The following PACS2 variants were observed in gnomAD, a reference collection of about 807,000 sequenced individuals.
The protein encoded by PACS2 is phosphofurin acidic cluster sorting protein 2.
In PACS2, 36 loss-of-function variants were observed where a neutral mutation model predicts 113.0. The observed-to-expected ratio is 0.32, with a 90% CI of 0.24 to 0.42. The LOEUF (loss-of-function observed/expected upper bound fraction) is 0.42. Ranked by LOEUF, PACS2 falls within the 10% of genes least tolerant of loss-of-function variation. PACS2 has a pLI of 1.00. For missense variants in PACS2, 1,015 were observed against 1,239.5 expected (o/e 0.82, Z 2.72); for synonymous variants, 589 against 536.1 (o/e 1.10, Z -1.36).
At position 105,352,431 on chromosome 14, in the gene PACS2, A is replaced by C; in HGVS notation, c.261A>C (p.Gln87His). 1 of 1,612,666 alleles carries C rather than the reference A, an allele frequency of 6.2e-7. No individual in the cohort carries two copies. Among genetic ancestry groups the C allele is most frequent in the Non-Finnish European group, 8.5e-7 (1 of 1,178,862 alleles). ...SHEIVLPPSG[Q>H]VETDLALTFS... ...AGATTGTGCTGCCCCCCAGTGGACA[A>C]GTGGAGACAGACCTGGCCCTGACCT... The change falls in exon 3 of 25, where the codon CAA becomes CAC. Residue 87 changes from glutamine (Q) to histidine (H), a missense_variant. By Grantham distance (24) the Gln-to-His change is conservative. Coordinates refer to ENST00000447393, the MANE Select transcript of PACS2 (RefSeq NM_001100913.3).
intron 1 of PACS2, among the ~76,000 whole-genome samples, chr14:105,325,786 G>A (rs1197007236): frequency 1.3e-5 from 2 of 152,250 alleles, no homozygotes; most frequent in African/African-American, 4.8e-5. Flanking sequence ...TGCTGTTCTT[G>A]TTCTGGTGAG....
chr14:105,343,116 C>A (rs1438382312), intron 1 of PACS2, among the ~76,000 whole-genome samples: 9 of 152,280 alleles, frequency 5.9e-5, no homozygotes, highest in African/African-American at 2.2e-4. Flanking sequence ...CCCAGCTCTG[C>A]CTTTTCCAGA....
At chr14:105,380,002 C>T (rs1469455547) in intron 10 of PACS2, 78 bp from the exon 11 acceptor site, 5 of 1,425,182 alleles carry the variant, frequency 3.5e-6, no homozygotes, top group East Asian at 2.5e-5. Context: ...TCCCTGAGTC[C>T]CAGCATTCCC....
In PACS2 at chr14:105,324,328, C is replaced by A. The variant is rs1165736281; in HGVS notation, c.119+9291C>A. ...AGTGGCGTTGCCGAGACAGGGTGCT[C>A]AGGTGCAGGTGGGAAGGGGTGGCAG... On this transcript the variant is annotated intron_variant, in intron 1 of 24. Transcript: ENST00000447393. This position sits in a 1 kb window ranked among gnomAD's most constrained non-coding sequence, Gnocchi z 4.7. Among the ~76,000 whole-genome samples, 4 of 152,056 alleles carry A rather than the reference C, an allele frequency of 2.6e-5. No homozygotes were observed. The highest frequency in any genetic ancestry group is 5.9e-5 in the Non-Finnish European group (4 of 68,002).
rs1488845742 is a variant in PACS2, at chr14:105,380,101, C to T, written c.1072C>T (p.Arg358Trp). 1.5e-5 allele frequency: 23 copies of T among 1,553,170 alleles called. 1 individual carries two copies. The highest frequency in any genetic ancestry group is 9.8e-5 in the Admixed American group (5 of 51,258). ...PSPADVPEKTRSLGGRQPSDS... is the reference protein window; with the variant it reads ...PSPADVPEKTWSLGGRQPSDS... ...ACAGGCTGACGTGCCCGAGAAGACGCGGTCCCTGGGAGGCAGGCAGCCGAG... is the reference window on the plus strand; with the variant it reads ...ACAGGCTGACGTGCCCGAGAAGACGTGGTCCCTGGGAGGCAGGCAGCCGAG... Residue 358 changes from arginine (R) to tryptophan (W), a missense_variant, in exon 11 of 25, where the codon CGG becomes TGG. Around this residue, in one of 3 missense-constraint regions of PACS2, gnomAD observed 859 missense variants for 1,056.8 expected, o/e 0.81. Coordinates refer to ENST00000447393, the MANE Select transcript of PACS2 (RefSeq NM_001100913.3).
At chr14:105,393,404 GC>G (rs2141321358) in intron 24 of PACS2, 69 bp downstream of exon 24, 1 of 1,051,832 alleles carries the variant, frequency 9.5e-7, no homozygotes, top group Non-Finnish European at 1.4e-6. Flanking sequence ...CTGCTTTGGA[GC>G]CCAGCCTAGG....
At position 105,358,008 on chromosome 14, in the gene PACS2, C is replaced by G. The variant is rs58189968; in HGVS notation, c.423+2831C>G. Among the ~76,000 whole-genome samples, 23,161 of 152,100 alleles carry G rather than the reference C, an allele frequency of 0.15. 5,897 individuals carry two copies. The highest frequency in any genetic ancestry group is 0.53 in the African/African-American group (21,805 of 41,432). Reference sequence around the variant, plus strand: ...CCAGGACCTCCAGGCTGTGGGGAGACCAGGAGGCGATGGCTGTGGGGACAC... The same window carrying G: ...CCAGGACCTCCAGGCTGTGGGGAGAGCAGGAGGCGATGGCTGTGGGGACAC... On this transcript the variant is annotated intron_variant, in intron 4 of 24. Coordinates refer to ENST00000447393, the MANE Select transcript of PACS2 (RefSeq NM_001100913.3). The surrounding 1 kb of genome is among the most constrained non-coding windows in gnomAD (Gnocchi z 4.9).
rs782258163 is a variant in PACS2, at chr14:105,376,931, C to T, written c.959+6C>T. On this transcript the variant is annotated splice_donor_region_variant and intron_variant, in intron 9 of 24. Transcript: ENST00000447393. The surrounding 1 kb of genome is among the most constrained non-coding windows in gnomAD (Gnocchi z 4.7). ...ACCCCCAAGCCGAAGCTGCGGTGAG[C>T]CCTACAGGGCGGGGCGGGGAGGAAC... is the stretch of plus-strand genomic sequence containing the variant. 2 of 1,597,430 alleles carry T rather than the reference C, an allele frequency of 1.3e-6. No individual in the cohort carries two copies. The highest frequency in any genetic ancestry group is 3.4e-5 in the Admixed American group (2 of 58,556).
At chr14:105,386,130 G>A (rs782399076) in intron 19 of PACS2, among the ~76,000 whole-genome samples, 14 of 152,238 alleles carry the variant, frequency 9.2e-5, no homozygotes, top group Non-Finnish European at 1.9e-4. Context: ...AACCAGGAGC[G>A]AGTGGCTGGT....
chr14:105,322,584 G>A (rs1595566782), intron 1 of PACS2, among the ~76,000 whole-genome samples: 1 of 152,326 alleles, frequency 6.6e-6, no homozygotes, highest in Non-Finnish European at 1.5e-5. Context: ...ACATTTTAAT[G>A]TGCATAGTTA....
chr14:105,389,633 G>A, intron 19 of PACS2: 1 of 372,914 alleles, frequency 2.7e-6, no homozygotes, highest in Non-Finnish European at 5.1e-6. Flanking sequence ...GTGGGCGTCG[G>A]GCACCTAGGA....
intron 2 of PACS2, among the ~76,000 whole-genome samples, chr14:105,351,200 G>A (rs1175342686): frequency 6.6e-6 from 1 of 152,250 alleles, no homozygotes; most frequent in Non-Finnish European, 1.5e-5. Flanking sequence ...CGGGGCACGA[G>A]GTCCCCAAGC....
chr14:105,362,383 C>T (rs868945287), intron 4 of PACS2, among the ~76,000 whole-genome samples: 2 of 149,332 alleles, frequency 1.3e-5, no homozygotes, highest in Admixed American at 6.7e-5. Context: ...CGCCACTGCA[C>T]TCCAGCCTGG....
Position 105,386,172 on chromosome 14 carries a change from T to C in PACS2, c.2033+455T>C, listed in dbSNP as rs587758364. 2.0e-5 allele frequency among the ~76,000 whole-genome samples: 3 copies of C among 152,324 alleles called. No homozygotes were observed. The South Asian group carries it at 6.2e-4, about 32-fold the overall frequency. On this transcript the variant is annotated intron_variant, in intron 19 of 24. Transcript: ENST00000447393. ...ACCAGGATCACCTGGGCCAGGCTGTTTCCCAGGCCCTTCACGTTTGTGAAG... is the reference window on the plus strand; with the variant it reads ...ACCAGGATCACCTGGGCCAGGCTGTCTCCCAGGCCCTTCACGTTTGTGAAG...
At chr14:105,325,776 T>G (rs1027333314) in intron 1 of PACS2, among the ~76,000 whole-genome samples, 17 of 152,254 alleles carry the variant, frequency 1.1e-4, no homozygotes, top group African/African-American at 3.9e-4. Flanking sequence ...TCTTCTCAAA[T>G]GCTGTTCTTG....
chr14:105,392,957 CA>C (rs1555415379), intron 23 of PACS2, 112 bp downstream of exon 23: 7 of 830,150 alleles, frequency 8.4e-6, no homozygotes, highest in Non-Finnish European at 1.4e-5. Flanking sequence ...GGGCAGCCCA[CA>C]TGCGCAGGCA....
At position 105,324,260 on chromosome 14, in the gene PACS2, G is replaced by A. The variant is rs587612945; in HGVS notation, c.119+9223G>A. ...GGTCTGCGGTCAGTCACAGTGACGG[G>A]GGTCTCTTTGGACCCTGTGACTTGT... is the stretch of plus-strand genomic sequence containing the variant. On this transcript the variant is annotated intron_variant, in intron 1 of 24. Transcript: ENST00000447393. The surrounding 1 kb of genome is among the most constrained non-coding windows in gnomAD (Gnocchi z 4.7). 1.2e-4 allele frequency among the ~76,000 whole-genome samples: 19 copies of A among 152,300 alleles called. No individual in the cohort carries two copies. Among genetic ancestry groups the A allele is most frequent in the South Asian group, 4.2e-4 (2 of 4,816 alleles).
rs782470589 is a variant in PACS2, at chr14:105,366,423, G to A, written c.424-790G>A. 2.6e-5 allele frequency among the ~76,000 whole-genome samples: 4 copies of A among 152,214 alleles called. No individual in the cohort carries two copies. The highest frequency in any genetic ancestry group is 7.2e-5 in the African/African-American group (3 of 41,456). Reference sequence around the variant, plus strand: ...TGTGAACCGATAGCCCCAAAAGGCGGCTTCTAGAGCACAGCTGGCCCCAAG... The same window carrying A: ...TGTGAACCGATAGCCCCAAAAGGCGACTTCTAGAGCACAGCTGGCCCCAAG... On this transcript the variant is annotated intron_variant, in intron 4 of 24. Transcript: ENST00000447393. This position sits in a 1 kb window ranked among gnomAD's most constrained non-coding sequence, Gnocchi z 4.3.
chr14:105,380,028 G>A lies in PACS2; in HGVS notation c.1051-52G>A, dbSNP rs1259422223. ...CAGCATTCCCAGTCCAGAAGTCAGC[G>A]CCTTGGCACCTGCAGTTGAGCACAA... On this transcript the variant is annotated intron_variant, in intron 10 of 24. Coordinates refer to ENST00000447393, the MANE Select transcript of PACS2 (RefSeq NM_001100913.3). 1.7e-5 allele frequency: 26 copies of A among 1,502,898 alleles called. No homozygotes were observed. In the Admixed American group the frequency reaches 2.0e-4, roughly 11 times the overall value. The allele number at this position is 1,502,898 out of a possible 1,614,324, so 93.1% of individuals were successfully genotyped here.
Sources: gnomAD v4.1 joint callset for allele counts (sites outside exome capture counted in the v4.1 genomes callset) on GRCh38, gnomAD v4.1.1 for gene constraint, gnomAD v4.1.1 regional missense constraint, Gnocchi (gnomAD v3.1) non-coding constraint, MANE v1.5 for transcripts, NCBI Gene and HGNC (gene_info 2026-07-23, HGNC 2026-07-21) for gene names.